The following PADI1 variants were observed in gnomAD, a reference collection of about 807,000 sequenced individuals.
The protein encoded by PADI1 is peptidyl arginine deiminase 1.
Under a neutral mutation model 74.8 loss-of-function variants are expected in PADI1, and 65 were observed. The observed-to-expected ratio is 0.87, with a 90% CI of 0.71 to 1.07. The LOEUF is 1.07. Ranked by LOEUF, PADI1 falls within the 50% of genes least tolerant of loss-of-function variation. The pLI, the probability that PADI1 is intolerant of heterozygous loss-of-function variation, is 0.00. For synonymous variants in PADI1, 371 were observed against 336.2 expected (o/e 1.10, Z -1.13); for missense variants, 943 against 854.0 (o/e 1.10, Z -1.30).
At position 17,229,040 on chromosome 1, in the gene PADI1, G is replaced by A; in HGVS notation, c.918G>A (p.Leu306=). The A allele has an allele frequency of 2.6e-6, 4 of 1,565,008 alleles. No individual in the cohort carries two copies. Among genetic ancestry groups the A allele is most frequent in the South Asian group, 2.3e-5 (2 of 85,480 alleles). The change falls in exon 8 of 16, where the codon CTG becomes CTA. Residue 306 remains leucine (L), a synonymous_variant. Transcript: ENST00000375471. ...CCAACACTCAGCCTCCTGAGGAGCTGTATGTGTGCAGGTGAGGCTCCCTCC... is the reference window on the plus strand; with the variant it reads ...CCAACACTCAGCCTCCTGAGGAGCTATATGTGTGCAGGTGAGGCTCCCTCC... ...MTPNTQPPEE[L]YVCRVMDTHG... is the part of the protein sequence containing the mutation.
Position 17,235,661 on chromosome 1 carries a change from C to T in PADI1, c.1314-1653C>T, listed in dbSNP as rs1429758373. Among the ~76,000 whole-genome samples the T allele has an allele frequency of 2.6e-5, 4 of 152,070 alleles. No individual in the cohort carries two copies. In the South Asian group the frequency reaches 8.3e-4, roughly 31 times the overall value. Reference sequence around the variant, plus strand: ...GCAGAGAGCTCGGAGGATGCAGGCTCAGGGGCAGAGAGCTCAGAGGATGCA... The same window carrying T: ...GCAGAGAGCTCGGAGGATGCAGGCTTAGGGGCAGAGAGCTCAGAGGATGCA... On this transcript the variant is annotated intron_variant, in intron 11 of 15. Transcript: ENST00000375471.
At position 17,244,505 on chromosome 1, in the gene PADI1, A is replaced by C; in HGVS notation, c.*262A>C. The C allele has an allele frequency of 2.9e-5, 16 of 559,166 alleles. No individual in the cohort carries two copies. Among genetic ancestry groups the C allele is most frequent in the Middle Eastern group, 2.7e-4 (1 of 3,652 alleles). The allele number at this position is 559,166 out of a possible 1,614,324, so 34.6% of individuals were successfully genotyped here. ...AGCCCCCAGAGGCTCTAGATCAACA[A>C]TGTTAGCATGTTCCAGAATGGCTGT... On this transcript the variant is annotated 3_prime_UTR_variant, in exon 16 of 16. Transcript: ENST00000375471.
chr1:17,225,698 TA>T, intron 4 of PADI1, 112 bp from the exon 5 acceptor site: 6 of 759,836 alleles, frequency 7.9e-6, no homozygotes, highest in Non-Finnish European at 1.1e-5. Flanking sequence ...TTAAGCAAAC[TA>T]AAAATATGAA....
At chr1:17,213,350 C>T (rs573313091) in intron 1 of PADI1, among the ~76,000 whole-genome samples, 94 of 152,328 alleles carry the variant, frequency 6.2e-4, no homozygotes, top group South Asian at 3.7e-3. Context: ...GAGCTCCCCG[C>T]GGCCTGGGCA....
intron 1 of PADI1, among the ~76,000 whole-genome samples, chr1:17,211,516 G>A (rs887673207): frequency 5.3e-5 from 8 of 152,222 alleles, no homozygotes; most frequent in Admixed American, 1.3e-4. Context: ...CAACAAGCCT[G>A]TGAGATGGGG....
At chr1:17,219,627 A>G (rs2072079254) in intron 1 of PADI1, among the ~76,000 whole-genome samples, 1 of 152,126 alleles carries the variant, frequency 6.6e-6, no homozygotes, top group African/African-American at 2.4e-5. Context: ...GCTGAGGAAC[A>G]TGGCAGGAGC....
At chr1:17,230,262 G>T in intron 9 of PADI1, 54 bp downstream of exon 9, 1 of 1,586,068 alleles carries the variant, frequency 6.3e-7, no homozygotes. Flanking sequence ...GGAAAGGGAA[G>T]CCGCACAGGT....
intron 12 of PADI1, 35 bp downstream of exon 12, chr1:17,237,493 G>C (rs2072674224): frequency 6.3e-7 from 1 of 1,577,650 alleles, no homozygotes; most frequent in Non-Finnish European, 8.6e-7. Flanking sequence ...AGCCACCTCT[G>C]CCCTTGTCTG....
chr1:17,244,747 G>A lies in PADI1; in HGVS notation c.*504G>A, dbSNP rs2072850349. 2.9e-6 allele frequency: 1 copy of A among 340,282 alleles called. No individual in the cohort carries two copies. Among genetic ancestry groups the A allele is most frequent in the Admixed American group, 4.1e-5 (1 of 24,528 alleles). 21.1% of individuals were successfully genotyped at this position (340,282 alleles called of 1,614,324 possible). On this transcript the variant is annotated 3_prime_UTR_variant, in exon 16 of 16. Coordinates refer to ENST00000375471, the MANE Select transcript of PADI1 (RefSeq NM_013358.3). The stretch of plus-strand genomic sequence containing the variant: ...CCGCTCTAGGTTTCTTCTCCCAAAG[G>A]GGACCCAAGGCTGTGACACTTACCT...
Position 17,245,530 on chromosome 1 carries a change from G to A in PADI1, c.*1287G>A, listed in dbSNP as rs1048309064. The A allele has an allele frequency of 1.3e-5, 2 of 152,264 alleles. No individual in the cohort carries two copies. The highest frequency in any genetic ancestry group is 2.9e-5 in the Non-Finnish European group (2 of 68,056). The allele number at this position is 152,264 out of a possible 1,614,324, so 9.4% of individuals were successfully genotyped here. The stretch of plus-strand genomic sequence containing the variant: ...CCATTGTAGGGCAGTTGGCCCTAGG[G>A]CTTCGGTCCATCTAGGTTTTCAGTG... On this transcript the variant is annotated 3_prime_UTR_variant, in exon 16 of 16. Transcript: ENST00000375471. The surrounding 1 kb of genome is among the most constrained non-coding windows in gnomAD (Gnocchi z 4.1).
In PADI1 at chr1:17,244,621, C is replaced by T. The variant is rs931724590; in HGVS notation, c.*378C>T. The T allele has an allele frequency of 8.1e-6, 3 of 371,014 alleles. No homozygotes were observed. Among genetic ancestry groups the T allele is most frequent in the African/African-American group, 6.3e-5 (3 of 47,490 alleles). The allele number at this position is 371,014 out of a possible 1,614,324, so 23.0% of individuals were successfully genotyped here. A position where few individuals can be genotyped will look rare whatever the true frequency, so the allele number is the denominator to read the frequency against. On this transcript the variant is annotated 3_prime_UTR_variant, in exon 16 of 16. Transcript: ENST00000375471. Reference sequence around the variant, plus strand: ...AACAAGGATAATGACTTTGCATCTGCACCTGGAACGGGGCCTGGGGGACCT... The same window carrying T: ...AACAAGGATAATGACTTTGCATCTGTACCTGGAACGGGGCCTGGGGGACCT...
At chr1:17,220,441 G>A (rs1284898519) in intron 1 of PADI1, among the ~76,000 whole-genome samples, 1 of 152,148 alleles carries the variant, frequency 6.6e-6, no homozygotes, top group Non-Finnish European at 1.5e-5. Context: ...ATATGCAGAA[G>A]GACCCCTTTT....
chr1:17,235,293 G>GGAAGGAGGGAAGGAA (rs1557479110), intron 11 of PADI1, among the ~76,000 whole-genome samples: 3 of 62,820 alleles, frequency 4.8e-5, no homozygotes, highest in Admixed American at 1.8e-4. Flanking sequence ...GAAGGAAGGA[G>GGAAGGAGGGAAGGAA]GGAAGGAAGG....
intron 15 of PADI1, among the ~76,000 whole-genome samples, chr1:17,243,010 T>C (rs1322093245): frequency 6.6e-6 from 1 of 151,900 alleles, no homozygotes; most frequent in Non-Finnish European, 1.5e-5. Flanking sequence ...CTGCCATGGA[T>C]GAGGGTGGGG....
chr1:17,227,926 G>A (rs768193903), intron 6 of PADI1, among the ~76,000 whole-genome samples: 1 of 152,210 alleles, frequency 6.6e-6, no homozygotes, highest in Non-Finnish European at 1.5e-5. Context: ...CATACAATAG[G>A]CTTCTTTTAG....
At chr1:17,210,275 G>GC (rs922110595) in intron 1 of PADI1, among the ~76,000 whole-genome samples, 22 of 152,144 alleles carry the variant, frequency 1.4e-4, no homozygotes, top group African/African-American at 5.3e-4. Context: ...CTCTGCCTTA[G>GC]CCCCCCAAGT....
At chr1:17,224,996 C>T (rs2072268290) in intron 4 of PADI1, among the ~76,000 whole-genome samples, 1 of 152,184 alleles carries the variant, frequency 6.6e-6, no homozygotes, top group Non-Finnish European at 1.5e-5. Context: ...GTGGGCAGGG[C>T]TGCCATGGAT....
intron 1 of PADI1, among the ~76,000 whole-genome samples, chr1:17,218,144 G>A (rs562805971): frequency 6.6e-6 from 1 of 152,288 alleles, no homozygotes; most frequent in South Asian, 2.1e-4. Context: ...AATTGCATTG[G>A]TCAAATCATG....
At chr1:17,228,478 T>G in intron 6 of PADI1, 147 bp from the exon 7 acceptor site, 1 of 733,724 alleles carries the variant, frequency 1.4e-6, no homozygotes, top group Non-Finnish European at 2.3e-6. Flanking sequence ...GTTGAGTCAT[T>G]GAGCTAAGGC....
Sources: allele counts gnomAD v4.1 joint callset (sites outside exome capture counted in the v4.1 genomes callset), GRCh38; gene constraint gnomAD v4.1.1; non-coding constraint Gnocchi (gnomAD v3.1); transcripts MANE v1.5; gene names NCBI Gene and HGNC (gene_info 2026-07-23, HGNC 2026-07-21).